Variants in TMPRSS15 observed in about 807,000 individuals in gnomAD.
The protein encoded by TMPRSS15 is transmembrane serine protease 15.
A neutral mutation model predicts 125.3 loss-of-function variants in TMPRSS15; 128 were observed. The ratio of observed to expected loss-of-function variants is 1.02; its 90% CI spans 0.89 to 1.18. The LOEUF is 1.18. TMPRSS15 is among the 50% of genes most tolerant of loss of function. The probability of loss-of-function intolerance (pLI) is 0.00; values close to 1 mark genes in which losing one functional copy is unlikely to be tolerated. For missense variants in TMPRSS15, 1,283 were observed against 1,212.7 expected (o/e 1.06, Z -0.86); for synonymous variants, 446 against 423.2 (o/e 1.05, Z -0.66).
intron 8 of TMPRSS15, among the ~76,000 whole-genome samples, chr21:18,358,680 T>G (rs189916246): frequency 2.0e-5 from 3 of 152,142 alleles, no homozygotes; most frequent in Non-Finnish European, 4.4e-5. Flanking sequence ...TCCAACACTG[T>G]GAACTTATGG....
chr21:18,398,697 A>G (rs1368260918), intron 1 of TMPRSS15, among the ~76,000 whole-genome samples: 1 of 152,178 alleles, frequency 6.6e-6, no homozygotes, highest in South Asian at 2.1e-4. Flanking sequence ...AAACATGGTG[A>G]GAAGTGAACC....
chr21:18,428,007 G>A (rs558731644), intron 1 of TMPRSS15, among the ~76,000 whole-genome samples: 1 of 152,314 alleles, frequency 6.6e-6, no homozygotes, highest in African/African-American at 2.4e-5. Context: ...CAGCAATAGA[G>A]ATGTTTTTAA....
In TMPRSS15 at chr21:18,319,422, ATTTTTTT is replaced by A. The variant is rs35796863; in HGVS notation, c.1922-4173_1922-4167del. Among the ~76,000 whole-genome samples the A allele has an allele frequency of 4.4e-3, 467 of 105,310 alleles. 1 individual carries two copies. Among genetic ancestry groups the A allele is most frequent in the African/African-American group, 0.016 (449 of 28,670 alleles). 69.1% of individuals were successfully genotyped at this position (105,310 alleles called of 152,430 possible). ...CAGTAAAAAAAAATCTTCTTCACCGATTTTTTTTTTTTTTTTTTTTTTTGAGACAGAG... is the reference window on the plus strand; with the variant it reads ...CAGTAAAAAAAAATCTTCTTCACCGATTTTTTTTTTTTTTTTGAGACAGAG... On this transcript the variant is annotated intron_variant, in intron 16 of 24. Transcript: ENST00000284885.
At chr21:18,374,925 T>C (rs535203104) in intron 5 of TMPRSS15, among the ~76,000 whole-genome samples, 6 of 152,306 alleles carry the variant, frequency 3.9e-5, no homozygotes, top group Admixed American at 1.3e-4. Flanking sequence ...TGCTAAGGAA[T>C]TGGCAGTTGA....
At chr21:18,299,761 G>A (rs977609134) in intron 18 of TMPRSS15, among the ~76,000 whole-genome samples, 1 of 152,150 alleles carries the variant, frequency 6.6e-6, no homozygotes, top group African/African-American at 2.4e-5. Context: ...CAGACAAGCA[G>A]CACCAGCCTC....
At chr21:18,272,296 T>C (rs1318331395) in intron 24 of TMPRSS15, among the ~76,000 whole-genome samples, 1 of 152,204 alleles carries the variant, frequency 6.6e-6, no homozygotes, top group Admixed American at 6.5e-5. Flanking sequence ...TGGTTTTGAT[T>C]TGCATTTCTC....
intron 1 of TMPRSS15, among the ~76,000 whole-genome samples, chr21:18,447,504 T>G (rs2076258305): frequency 1.4e-5 from 2 of 146,020 alleles, no homozygotes; most frequent in African/African-American, 5.0e-5. Context: ...TCAACATAAC[T>G]AAATGATATG....
At chr21:18,437,990 G>A (rs1196937855) in intron 1 of TMPRSS15, among the ~76,000 whole-genome samples, 1 of 151,350 alleles carries the variant, frequency 6.6e-6, no homozygotes, top group Non-Finnish European at 1.5e-5. Context: ...ATACCCAAAG[G>A]ACTATAAATC....
At position 18,269,902 on chromosome 21, in the gene TMPRSS15, A is replaced by AATT; in HGVS notation, c.*64_*66dup. ...TTTAAAATTTTTGTACGAAACACTT[A>AATT]ATTTCCATGCTTTCTAGAGTAGAAT... On this transcript the variant is annotated 3_prime_UTR_variant, in exon 25 of 25. Coordinates refer to ENST00000284885, the MANE Select transcript of TMPRSS15 (RefSeq NM_002772.3). 6.3e-7 allele frequency: 1 copy of AATT among 1,585,926 alleles called. No homozygotes were observed. Among genetic ancestry groups the AATT allele is most frequent in the Non-Finnish European group, 8.6e-7 (1 of 1,161,074 alleles).
intron 13 of TMPRSS15, 74 bp downstream of exon 13, chr21:18,341,339 G>A: frequency 6.3e-7 from 1 of 1,588,042 alleles, no homozygotes; most frequent in East Asian, 2.2e-5. Flanking sequence ...CCGAAGTGCT[G>A]GAATTATAGC....
chr21:18,295,949 G>A (rs1170370202), intron 19 of TMPRSS15, among the ~76,000 whole-genome samples: 2 of 152,106 alleles, frequency 1.3e-5, no homozygotes, highest in Non-Finnish European at 2.9e-5. Context: ...TCAGGAGATC[G>A]AGACCATCCT....
intron 10 of TMPRSS15, among the ~76,000 whole-genome samples, chr21:18,349,991 A>G (rs1054959145): frequency 6.6e-6 from 1 of 152,186 alleles, no homozygotes; most frequent in African/African-American, 2.4e-5. Flanking sequence ...TTTCAACCAC[A>G]TAAAAGGTAT....
chr21:18,359,874 A>T lies in TMPRSS15; in HGVS notation c.774-11T>A. 1 of 1,290,954 alleles carries T rather than the reference A, an allele frequency of 7.7e-7. No individual in the cohort carries two copies. The highest frequency in any genetic ancestry group is 1.1e-6 in the Non-Finnish European group (1 of 889,554). 80.0% of individuals were successfully genotyped at this position (1,290,954 alleles called of 1,614,324 possible). On this transcript the variant is annotated splice_polypyrimidine_tract_variant and intron_variant, in intron 7 of 24. Coordinates refer to ENST00000284885, the MANE Select transcript of TMPRSS15 (RefSeq NM_002772.3). ...AGTCCTTGGTTTACACTAAATTAAA[A>T]GCAAAAAATAGATTACCAAATTTTT...
chr21:18,289,197 T>C (rs1448983444), intron 21 of TMPRSS15, among the ~76,000 whole-genome samples: 1 of 152,146 alleles, frequency 6.6e-6, no homozygotes, highest in Non-Finnish European at 1.5e-5. Context: ...GTTATATCAG[T>C]TTACTAAATG....
intron 16 of TMPRSS15, among the ~76,000 whole-genome samples, chr21:18,317,859 C>T (rs1013365995): frequency 8.0e-6 from 1 of 124,242 alleles, no homozygotes; most frequent in Non-Finnish European, 1.7e-5. Context: ...CATCCCATCC[C>T]ATCCCATCCC....
At chr21:18,302,475 A>C (rs1206778304) in intron 18 of TMPRSS15, among the ~76,000 whole-genome samples, 1 of 152,234 alleles carries the variant, frequency 6.6e-6, no homozygotes, top group African/African-American at 2.4e-5. Flanking sequence ...TATTGCATTT[A>C]TAACAATACA....
At chr21:18,381,232 G>T (rs891347556) in intron 4 of TMPRSS15, among the ~76,000 whole-genome samples, 1 of 152,158 alleles carries the variant, frequency 6.6e-6, no homozygotes, top group East Asian at 1.9e-4. Flanking sequence ...TAACTAGGTG[G>T]TTTATTTCAG....
intron 1 of TMPRSS15, among the ~76,000 whole-genome samples, chr21:18,415,955 C>A (rs1461381152): frequency 6.6e-6 from 1 of 151,878 alleles, no homozygotes; most frequent in Admixed American, 6.6e-5. Flanking sequence ...AGTAAATATG[C>A]AGGATACAAA....
intron 6 of TMPRSS15, among the ~76,000 whole-genome samples, chr21:18,365,784 C>T (rs1190000202): frequency 1.5e-5 from 2 of 130,372 alleles, no homozygotes; most frequent in East Asian, 2.2e-4. Context: ...GCTCTTGTTG[C>T]GTGTGCTGGA....
Sources: gnomAD v4.1 joint callset for allele counts (sites outside exome capture counted in the v4.1 genomes callset) on GRCh38, gnomAD v4.1.1 for gene constraint, MANE v1.5 for transcripts, NCBI Gene and HGNC (gene_info 2026-07-23, HGNC 2026-07-21) for gene names.